The following ZNF407 variants were observed in gnomAD, a reference collection of about 807,000 sequenced individuals.
ZNF407 encodes the protein zinc finger protein 407.
In ZNF407, 17 loss-of-function variants were observed where a neutral mutation model predicts 131.2. That is an observed-to-expected ratio of 0.13 (90% CI 0.09 to 0.19). ZNF407 has a LOEUF of 0.19. Among genes scored for constraint, ZNF407 ranks in the 10% least tolerant of loss-of-function variants. ZNF407 has a pLI of 1.00. For missense variants in ZNF407, 2,681 were observed against 2,830.6 expected (o/e 0.95, Z 1.20); for synonymous variants, 1,156 against 1,062.0 (o/e 1.09, Z -1.72).
Position 74,635,257 on chromosome 18 carries a change from G to A in ZNF407, c.4238G>A (p.Arg1413Gln), listed in dbSNP as rs773719618. The A allele has an allele frequency of 1.9e-6, 3 of 1,614,034 alleles. No homozygotes were observed. Among genetic ancestry groups the A allele is most frequent in the African/African-American group, 1.3e-5 (1 of 75,052 alleles). The change falls in exon 2 of 9, where the codon CGA becomes CAA. Residue 1413 changes from arginine (R) to glutamine (Q), a missense_variant. This residue lies in a region of ZNF407 where 1,789 missense variants were observed against 1,748.7 expected (regional missense o/e 1.02). Coordinates refer to ENST00000299687, the MANE Select transcript of ZNF407 (RefSeq NM_017757.3). The surrounding 1 kb of genome is among the most constrained non-coding windows in gnomAD (Gnocchi z 4.7). ...GGCAGTTCCATTGGTGAGTCTACAC[G>A]AATTCGCTGTGATGATTGTGGCTTC... ...SEGSSIGEST[R>Q]IRCDDCGFLA... is the part of the protein sequence containing the mutation.
rs1248684944 is a variant in ZNF407, at chr18:74,631,159, C to G, written c.140C>G (p.Ser47Cys). Reference sequence around the variant, plus strand: ...GTGATAGCAAGTTTCCCTGAGAATTCTATGGGCAAAAGAGGTTTTTCAGAA... The same window carrying G: ...GTGATAGCAAGTTTCCCTGAGAATTGTATGGGCAAAAGAGGTTTTTCAGAA... ...SDVIASFPEN[S>C]MGKRGFSESS... The change falls in exon 2 of 9, where the codon TCT becomes TGT. Residue 47 changes from serine (S) to cysteine (C), a missense_variant. Around this residue, in one of 6 missense-constraint regions of ZNF407, gnomAD observed 1,789 missense variants for 1,748.7 expected, o/e 1.02. Coordinates refer to ENST00000299687, the MANE Select transcript of ZNF407 (RefSeq NM_017757.3). 6.2e-7 allele frequency: 1 copy of G among 1,613,938 alleles called. No individual in the cohort carries two copies. The highest frequency in any genetic ancestry group is 1.1e-5 in the South Asian group (1 of 91,084).
intron 7 of ZNF407, among the ~76,000 whole-genome samples, chr18:74,912,084 CAG>C (rs1971681243): frequency 6.6e-6 from 1 of 152,122 alleles, no homozygotes; most frequent in South Asian, 2.1e-4. Flanking sequence ...AAATGGGAAT[CAG>C]TGTTTGTTTA....
At chr18:74,701,336 G>T (rs927947090) in intron 3 of ZNF407, among the ~76,000 whole-genome samples, 6 of 152,232 alleles carry the variant, frequency 3.9e-5, no homozygotes, top group African/African-American at 1.4e-4. Flanking sequence ...TCATCGCAAA[G>T]AAATAACTAT....
chr18:74,936,476 G>C (rs1479718157), intron 8 of ZNF407, among the ~76,000 whole-genome samples: 1 of 152,092 alleles, frequency 6.6e-6, no homozygotes, highest in Non-Finnish European at 1.5e-5. Context: ...GCGCATTTAG[G>C]CTTACTCTCC....
intron 3 of ZNF407, among the ~76,000 whole-genome samples, chr18:74,766,689 A>G (rs770151719): frequency 2.6e-5 from 4 of 152,238 alleles, no homozygotes; most frequent in Non-Finnish European, 4.4e-5. Context: ...GTACATGTTC[A>G]GTACACAATC....
chr18:74,736,851 A>G (rs953709563), intron 3 of ZNF407, among the ~76,000 whole-genome samples: 5 of 152,198 alleles, frequency 3.3e-5, no homozygotes, highest in Admixed American at 6.5e-5. Context: ...GATGGGTCCT[A>G]TTAGCTGTCA....
chr18:74,632,681 G>C lies in ZNF407; in HGVS notation c.1662G>C (p.Glu554Asp). The change falls in exon 2 of 9, where the codon GAG becomes GAC. Residue 554 changes from glutamate (E) to aspartate (D), a missense_variant. By Grantham distance (45) the Glu-to-Asp change is conservative. Around this residue, in one of 6 missense-constraint regions of ZNF407, gnomAD observed 1,789 missense variants for 1,748.7 expected, o/e 1.02. Coordinates refer to ENST00000299687, the MANE Select transcript of ZNF407 (RefSeq NM_017757.3). ...ATGTGAAAAGGTGCCATGCCAGAGA[G>C]ATGAAATTTTACTGCCGTACTTGTG... ...EIHVKRCHAR[E>D]MKFYCRTCDF... The C allele has an allele frequency of 6.2e-7, 1 of 1,614,052 alleles. No homozygotes were observed. The highest frequency in any genetic ancestry group is 1.1e-5 in the South Asian group (1 of 91,086).
At chr18:74,993,782 A>G (rs1162103459) in intron 8 of ZNF407, among the ~76,000 whole-genome samples, 1 of 152,262 alleles carries the variant, frequency 6.6e-6, no homozygotes, top group Non-Finnish European at 1.5e-5. Context: ...AATGGTTCAA[A>G]TGGTGAACAC....
chr18:74,768,364 A>G (rs1007198086), intron 3 of ZNF407, among the ~76,000 whole-genome samples: 3 of 152,222 alleles, frequency 2.0e-5, no homozygotes, highest in Non-Finnish European at 2.9e-5. Context: ...GCTGCATTAC[A>G]TGTGATCGTA....
chr18:74,693,594 A>C (rs1241987087), intron 3 of ZNF407, among the ~76,000 whole-genome samples: 1 of 152,112 alleles, frequency 6.6e-6, no homozygotes, highest in Non-Finnish European at 1.5e-5. Context: ...CTATTACTTT[A>C]TGAGAAGTCG....
chr18:74,828,533 A>C (rs1184879945), intron 4 of ZNF407, among the ~76,000 whole-genome samples: 1 of 150,708 alleles, frequency 6.6e-6, no homozygotes, highest in Non-Finnish European at 1.5e-5. Flanking sequence ...AAGTTTTTAG[A>C]TGGAGTTATT....
At chr18:74,823,144 A>T (rs1225409543) in intron 4 of ZNF407, among the ~76,000 whole-genome samples, 1 of 152,180 alleles carries the variant, frequency 6.6e-6, no homozygotes, top group African/African-American at 2.4e-5. Context: ...AAAATCCTCT[A>T]CAGACATGCA....
chr18:75,051,138 G>T (rs561061298), intron 8 of ZNF407, among the ~76,000 whole-genome samples: 1 of 152,056 alleles, frequency 6.6e-6, no homozygotes, highest in Non-Finnish European at 1.5e-5. Context: ...AAGTATGTAC[G>T]ACAGGCTGTG....
intron 8 of ZNF407, among the ~76,000 whole-genome samples, chr18:75,052,708 T>C (rs1973516032): frequency 6.6e-6 from 1 of 152,240 alleles, no homozygotes; most frequent in Non-Finnish European, 1.5e-5. Context: ...TTACACATAA[T>C]GAATTCAGTT....
intron 3 of ZNF407, among the ~76,000 whole-genome samples, chr18:74,663,082 G>A (rs1221659736): frequency 6.6e-6 from 1 of 152,168 alleles, no homozygotes; most frequent in East Asian, 1.9e-4. Flanking sequence ...TGTATCACCT[G>A]TGCCCAGGAA....
intron 8 of ZNF407, among the ~76,000 whole-genome samples, chr18:75,003,306 C>T (rs1001273219): frequency 1.3e-5 from 2 of 152,210 alleles, no homozygotes; most frequent in Non-Finnish European, 2.9e-5. Context: ...ACAGCTTTGG[C>T]CCATACACAG....
chr18:74,895,057 G>C (rs1203836695), intron 7 of ZNF407, among the ~76,000 whole-genome samples: 3 of 151,960 alleles, frequency 2.0e-5, no homozygotes, highest in Non-Finnish European at 4.4e-5. Flanking sequence ...CAGAAGAATA[G>C]AATCTGCAGT....
At chr18:74,712,167 T>A (rs763603796) in intron 3 of ZNF407, among the ~76,000 whole-genome samples, 7 of 152,238 alleles carry the variant, frequency 4.6e-5, no homozygotes, top group Non-Finnish European at 1.0e-4. Context: ...ACCTTGTCTT[T>A]GACAAGGTCC....
rs188498558 is a variant in ZNF407, at chr18:74,758,330, G to T, written c.4803-23098G>T. Among the ~76,000 whole-genome samples the T allele has an allele frequency of 4.7e-3, 720 of 152,066 alleles. 7 individuals carry two copies. The highest frequency in any genetic ancestry group is 0.028 in the South Asian group (135 of 4,814). ...TGTATGTATATGTATGCATGTGTGT[G>T]TATAAATTTTCTTAATTCTTAACCT... On this transcript the variant is annotated intron_variant, in intron 3 of 8. Transcript: ENST00000299687.
Sources: gnomAD v4.1 joint callset for allele counts (sites outside exome capture counted in the v4.1 genomes callset) on GRCh38, gnomAD v4.1.1 for gene constraint, gnomAD v4.1.1 regional missense constraint, Gnocchi (gnomAD v3.1) non-coding constraint, MANE v1.5 for transcripts, NCBI Gene and HGNC (gene_info 2026-07-23, HGNC 2026-07-21) for gene names.